Variants in AHCYL2 observed in about 807,000 individuals in gnomAD.
AHCYL2 encodes the protein S-adenosylhomocysteine hydrolase-like protein 2.
Under a neutral mutation model 81.4 loss-of-function variants are expected in AHCYL2, and 28 were observed. The ratio of observed to expected loss-of-function variants is 0.34; its 90% CI spans 0.25 to 0.47. AHCYL2 has a LOEUF of 0.47. Ranked by LOEUF, AHCYL2 falls within the 20% of genes least tolerant of loss-of-function variation. The pLI is 1.00. For missense variants in AHCYL2, 551 were observed against 785.1 expected (o/e 0.70, Z 3.56); for synonymous variants, 272 against 290.2 (o/e 0.94, Z 0.64).
At chr7:129,382,580 A>G (rs1016681536) in intron 2 of AHCYL2, among the ~76,000 whole-genome samples, 3 of 151,880 alleles carry the variant, frequency 2.0e-5, no homozygotes, top group Non-Finnish European at 4.4e-5. Context: ...AGCCTGGGCA[A>G]TAGAGTGAGA....
At chr7:129,254,386 A>G (rs1218527434) in intron 1 of AHCYL2, among the ~76,000 whole-genome samples, 1 of 152,200 alleles carries the variant, frequency 6.6e-6, no homozygotes, top group East Asian at 1.9e-4. Flanking sequence ...TCAAACCAGT[A>G]ATATCCATTA....
intron 1 of AHCYL2, among the ~76,000 whole-genome samples, chr7:129,307,460 G>A (rs1797482872): frequency 6.6e-6 from 1 of 150,756 alleles, no homozygotes; most frequent in South Asian, 2.1e-4. Flanking sequence ...CAGTCAGCTT[G>A]TGGTGAATGC....
At chr7:129,272,086 C>T (rs972740337) in intron 1 of AHCYL2, among the ~76,000 whole-genome samples, 4 of 152,182 alleles carry the variant, frequency 2.6e-5, no homozygotes, top group African/African-American at 4.8e-5. Flanking sequence ...TTTGAACATT[C>T]TCTTTTGGAT....
intron 2 of AHCYL2, among the ~76,000 whole-genome samples, chr7:129,383,313 G>A (rs1464510056): frequency 3.3e-5 from 5 of 151,940 alleles, no homozygotes; most frequent in Admixed American, 6.6e-5. Context: ...CTACAGATGT[G>A]TACCATCACA....
intron 1 of AHCYL2, among the ~76,000 whole-genome samples, chr7:129,360,741 A>G (rs1479974415): frequency 6.6e-6 from 1 of 152,152 alleles, no homozygotes; most frequent in Non-Finnish European, 1.5e-5. Flanking sequence ...GCATATGCCT[A>G]TGTGTGCTTT....
intron 1 of AHCYL2, among the ~76,000 whole-genome samples, chr7:129,323,872 G>GT (rs1798121802): frequency 7.1e-6 from 1 of 141,234 alleles, no homozygotes; most frequent in African/African-American, 2.6e-5. Context: ...GGCCCTTTTA[G>GT]CTTTTTTTTT....
At chr7:129,395,933 A>AT (rs957729079) in intron 4 of AHCYL2, among the ~76,000 whole-genome samples, 3 of 152,112 alleles carry the variant, frequency 2.0e-5, no homozygotes, top group African/African-American at 7.2e-5. Context: ...TCTTCCCCCC[A>AT]TGCACTGCCA....
At chr7:129,338,927 A>T (rs1438883247) in intron 1 of AHCYL2, among the ~76,000 whole-genome samples, 1 of 152,188 alleles carries the variant, frequency 6.6e-6, no homozygotes, top group Non-Finnish European at 1.5e-5. Flanking sequence ...ATTTTAAGTG[A>T]TGGGTCTCTT....
At chr7:129,382,846 C>T (rs549327235) in intron 2 of AHCYL2, among the ~76,000 whole-genome samples, 22 of 152,150 alleles carry the variant, frequency 1.4e-4, no homozygotes, top group Non-Finnish European at 2.6e-4. Flanking sequence ...GCAGAGGTTG[C>T]GGTGAGCCAA....
intron 1 of AHCYL2, among the ~76,000 whole-genome samples, chr7:129,354,906 A>G (rs1793686667): frequency 6.6e-6 from 1 of 152,226 alleles, no homozygotes; most frequent in Admixed American, 6.5e-5. Context: ...GAGCGAGTGA[A>G]CACAGCAGCA....
chr7:129,304,764 A>G (rs1215476126), intron 1 of AHCYL2, among the ~76,000 whole-genome samples: 1 of 151,232 alleles, frequency 6.6e-6, no homozygotes, highest in African/African-American at 2.4e-5. Flanking sequence ...TTTTCACTCT[A>G]TATGTTTCTT....
chr7:129,248,996 C>CT (rs34696153), intron 1 of AHCYL2, among the ~76,000 whole-genome samples: 80,292 of 126,364 alleles, frequency 0.64, 26,311 homozygotes, highest in Non-Finnish European at 0.72. Flanking sequence ...TAACAATAAA[C>CT]TTTTTTTTTT....
chr7:129,405,488 T>C, intron 8 of AHCYL2: 1 of 351,792 alleles, frequency 2.8e-6, no homozygotes, highest in Admixed American at 4.5e-5. Flanking sequence ...TCTTCTTCCT[T>C]TCTGCACCAC....
At chr7:129,341,748 A>G (rs1320860972) in intron 1 of AHCYL2, among the ~76,000 whole-genome samples, 2 of 152,160 alleles carry the variant, frequency 1.3e-5, no homozygotes, top group African/African-American at 4.8e-5. Context: ...TTTCTTGTCG[A>G]ATGCCTGTGA....
At chr7:129,390,859 CCTT>C (rs1563229297) in intron 4 of AHCYL2, among the ~76,000 whole-genome samples, 1 of 152,146 alleles carries the variant, frequency 6.6e-6, no homozygotes, top group East Asian at 1.9e-4. Flanking sequence ...GTGATTCCTA[CCTT>C]ACTCTCATCA....
At chr7:129,324,547 G>T (rs923047850) in intron 1 of AHCYL2, among the ~76,000 whole-genome samples, 3 of 152,156 alleles carry the variant, frequency 2.0e-5, no homozygotes, top group Admixed American at 6.5e-5. Flanking sequence ...ATGGAGTCTT[G>T]CTCTGTCACC....
In AHCYL2 at chr7:129,405,218, T is replaced by G. The variant is rs1796244067; in HGVS notation, c.1142+5T>G. The G allele has an allele frequency of 1.3e-6, 2 of 1,586,660 alleles. No homozygotes were observed. The highest frequency in any genetic ancestry group is 1.7e-6 in the Non-Finnish European group (2 of 1,164,154). ...CCGTGAATCAATTCTTGATGGGTAA[T>G]GTTTATTATCTTTGAGATGAAGTTG... On this transcript the variant is annotated splice_donor_5th_base_variant and intron_variant, in intron 8 of 16. Coordinates refer to ENST00000325006, the MANE Select transcript of AHCYL2 (RefSeq NM_015328.4).
intron 2 of AHCYL2, among the ~76,000 whole-genome samples, chr7:129,386,053 G>A (rs917301165): frequency 2.0e-5 from 3 of 152,040 alleles, no homozygotes; most frequent in African/African-American, 7.2e-5. Context: ...CACTGTGTTT[G>A]CAGAACTAAT....
Position 129,259,116 on chromosome 7 carries a change from C to T in AHCYL2, c.363+33677C>T, listed in dbSNP as rs76983372. ...TCATTCACATTAAGACCTCTTCTTC[C>T]TTTAATAACATTACCTTTTTCCCAC... On this transcript the variant is annotated intron_variant, in intron 1 of 16. Coordinates refer to ENST00000325006, the MANE Select transcript of AHCYL2 (RefSeq NM_015328.4). Among the ~76,000 whole-genome samples, 916 of 152,230 alleles carry T rather than the reference C, an allele frequency of 6.0e-3. 7 individuals carry two copies. Among genetic ancestry groups the T allele is most frequent in the African/African-American group, 0.021 (872 of 41,538 alleles).
Sources: allele counts gnomAD v4.1 joint callset (sites outside exome capture counted in the v4.1 genomes callset), GRCh38; gene constraint gnomAD v4.1.1; transcripts MANE v1.5; gene names NCBI Gene and HGNC (gene_info 2026-07-23, HGNC 2026-07-21).